The following CEP83 variants were observed in gnomAD, a reference collection of about 807,000 sequenced individuals.
The protein encoded by CEP83 is centrosomal protein of 83 kDa.
In CEP83, 70 loss-of-function variants were observed where a neutral mutation model predicts 101.9. The ratio of observed to expected loss-of-function variants is 0.69; its 90% CI spans 0.57 to 0.84. The LOEUF (loss-of-function observed/expected upper bound fraction) is 0.84, where lower values mean the gene tolerates loss of function less well. CEP83 is among the 40% of genes least tolerant of loss of function. The pLI, the probability that CEP83 is intolerant of heterozygous loss-of-function variation, is 0.00. For missense variants in CEP83, 715 were observed against 787.2 expected, an observed-to-expected ratio of 0.91 and a Z score of 1.10; for synonymous variants, 264 against 267.9, an observed-to-expected ratio of 0.99 and a Z score of 0.14.
chr12:94,412,282 A>C, intron 3 of CEP83, 36 bp downstream of exon 3: 1 of 1,541,102 alleles, frequency 6.5e-7, no homozygotes, highest in Admixed American at 2.1e-5. Context: ...ATAACTTTTT[A>C]AAACCAAACC....
downstream of CEP83, chr12:94,306,233 A>C (rs1443715167): frequency 6.6e-6 from 1 of 152,118 alleles, no homozygotes; most frequent in Admixed American, 6.6e-5. Flanking sequence ...ATTTAAAAAA[A>C]AAAAGATACA....
At position 94,415,745 on chromosome 12, in the gene CEP83, T is replaced by C. The variant is rs182422453; in HGVS notation, c.-101-3154A>G. ...GGAGAAATAGACAAATTCACAATGA[T>C]AGGAGGAGAATTTCACCACTATTCT... On this transcript the variant is annotated intron_variant, in intron 2 of 16. Coordinates refer to ENST00000397809, the MANE Select transcript of CEP83 (RefSeq NM_016122.3). 2.8e-3 allele frequency among the ~76,000 whole-genome samples: 431 copies of C among 152,194 alleles called. 1 individual carries two copies. Among genetic ancestry groups the C allele is most frequent in the Admixed American group, 0.016 (245 of 15,290 alleles).
intron 8 of CEP83, among the ~76,000 whole-genome samples, chr12:94,372,697 T>C (rs2061358537): frequency 6.6e-6 from 1 of 152,184 alleles, no homozygotes. Context: ...AGACGACATT[T>C]TTAACTAAAC....
the CEP83 span, among the ~76,000 whole-genome samples, chr12:94,295,305 A>C: frequency 6.6e-6 from 1 of 152,204 alleles, no homozygotes; most frequent in Non-Finnish European, 1.5e-5. Flanking sequence ...TACAGACAGG[A>C]TAATTGGGTA....
In CEP83 at chr12:94,403,182, C is replaced by G; in HGVS notation, c.405G>C (p.Arg135Ser). The change falls in exon 5 of 17, where the codon AGG becomes AGC. Residue 135 changes from arginine (R) to serine (S), a missense_variant. Physicochemically the swap from Arg to Ser is moderately radical, Grantham distance 110 (BLOSUM62 -1). Transcript: ENST00000397809. ...ELETPMRERF[R>S]NLDEEVEKYR... ...ATAAGTTACTTACTTCATCTAGATTCCTAAAACGTTCTCTCATTGGAGTTT... is the reference window on the plus strand; with the variant it reads ...ATAAGTTACTTACTTCATCTAGATTGCTAAAACGTTCTCTCATTGGAGTTT... The G allele has an allele frequency of 6.5e-7, 1 of 1,538,340 alleles. No individual in the cohort carries two copies. Among genetic ancestry groups the G allele is most frequent in the Non-Finnish European group, 9.0e-7 (1 of 1,113,062 alleles).
At chr12:94,356,961 T>C (rs984937307) in intron 11 of CEP83, among the ~76,000 whole-genome samples, 12 of 152,252 alleles carry the variant, frequency 7.9e-5, no homozygotes, top group Admixed American at 7.2e-4. Context: ...CTTAGAGGTG[T>C]GCACATTAGA....
At chr12:94,317,060 T>C (rs1034678830) in intron 14 of CEP83, among the ~76,000 whole-genome samples, 2 of 152,154 alleles carry the variant, frequency 1.3e-5, no homozygotes, top group Non-Finnish European at 2.9e-5. Flanking sequence ...AAGTATTCCC[T>C]TTTCTCCACA....
the CEP83 span, among the ~76,000 whole-genome samples, chr12:94,278,466 T>G: frequency 6.6e-6 from 1 of 152,262 alleles, no homozygotes; most frequent in Non-Finnish European, 1.5e-5. Context: ...TTTTCACACG[T>G]GCACAAAGGC....
intron 2 of CEP83, chr12:94,434,180 G>A (rs947787687): frequency 2.0e-5 from 3 of 152,050 alleles, no homozygotes; most frequent in Admixed American, 2.0e-4. Context: ...ATTTGTGGGT[G>A]GAAAGCATAT....
intron 11 of CEP83, among the ~76,000 whole-genome samples, chr12:94,359,312 A>G (rs1177534243): frequency 2.0e-5 from 3 of 152,196 alleles, no homozygotes; most frequent in Admixed American, 6.5e-5. Flanking sequence ...CTCGGCAAAA[A>G]GGAGACTAAA....
chr12:94,288,912 GT>G, the CEP83 span, among the ~76,000 whole-genome samples: 95 of 152,256 alleles, frequency 6.2e-4, no homozygotes, highest in Non-Finnish European at 1.2e-3. Flanking sequence ...TGATTCTCAT[GT>G]TTTCAGATTT....
chr12:94,378,115 G>C (rs979448103), intron 7 of CEP83, among the ~76,000 whole-genome samples: 10 of 151,916 alleles, frequency 6.6e-5, no homozygotes, highest in African/African-American at 2.2e-4. Flanking sequence ...GAAACACTTT[G>C]AACTATACAA....
At chr12:94,270,668 T>C in the CEP83 span, among the ~76,000 whole-genome samples, 1 of 150,804 alleles carries the variant, frequency 6.6e-6, no homozygotes, top group East Asian at 2.0e-4. Flanking sequence ...CAGCTCTTCA[T>C]ACTTGATTCT....
At chr12:94,357,036 G>A (rs1707341429) in intron 11 of CEP83, among the ~76,000 whole-genome samples, 1 of 152,096 alleles carries the variant, frequency 6.6e-6, no homozygotes, top group Admixed American at 6.5e-5. Flanking sequence ...ATAAAACAGG[G>A]ACCAAGGGAA....
At chr12:94,366,822 A>G (rs2061048226) in intron 11 of CEP83, among the ~76,000 whole-genome samples, 1 of 152,146 alleles carries the variant, frequency 6.6e-6, no homozygotes, top group Non-Finnish European at 1.5e-5. Flanking sequence ...GTGAAAGAGA[A>G]TCACAGAACA....
intron 7 of CEP83, 68 bp downstream of exon 7, chr12:94,378,723 T>C: frequency 6.5e-7 from 1 of 1,549,188 alleles, no homozygotes; most frequent in Non-Finnish European, 8.8e-7. Flanking sequence ...GCTCTAAAAA[T>C]CAAAGGCTTG....
intron 14 of CEP83, among the ~76,000 whole-genome samples, chr12:94,324,973 CCTCCTGTGTTCCCTCAA>C (rs2058907138): frequency 6.6e-6 from 1 of 152,144 alleles, no homozygotes. Flanking sequence ...GCTCCCTGGG[CCTCCTGTGTTCCCTCAA>C]CATACCAAGC....
At chr12:94,364,069 A>G (rs898079821) in intron 11 of CEP83, among the ~76,000 whole-genome samples, 14 of 152,018 alleles carry the variant, frequency 9.2e-5, no homozygotes, top group Non-Finnish European at 1.0e-4. Context: ...ATCCTAAAAG[A>G]CAGAAAGTGA....
the CEP83 span, among the ~76,000 whole-genome samples, chr12:94,288,063 C>T: frequency 1.1e-4 from 17 of 152,210 alleles, no homozygotes; most frequent in African/African-American, 4.1e-4. Context: ...GGGATACCTT[C>T]CCCCAGATCC....
Sources: allele counts gnomAD v4.1 joint callset (sites outside exome capture counted in the v4.1 genomes callset), GRCh38; gene constraint gnomAD v4.1.1; transcripts MANE v1.5; gene names NCBI Gene and HGNC (gene_info 2026-07-23, HGNC 2026-07-21).